Variants in SPATA13 observed in about 807,000 individuals in gnomAD.
SPATA13 encodes the protein spermatogenesis associated 13.
SPATA13 carries 50 observed loss-of-function variants against 104.0 expected under a neutral mutation model. The observed-to-expected ratio is 0.48, with a 90% confidence interval of 0.38 to 0.61. The LOEUF is 0.61. Among genes scored for constraint, SPATA13 ranks in the 20% least tolerant of loss-of-function variants. The pLI is 0.00. For missense variants in SPATA13, 1,524 were observed against 1,690.6 expected (o/e 0.90, Z 1.73); for synonymous variants, 606 against 667.5 (o/e 0.91, Z 1.42).
chr13:24,029,180 C>G (rs1877364376), intron 3 of SPATA13, among the ~76,000 whole-genome samples: 1 of 152,198 alleles, frequency 6.6e-6, no homozygotes, highest in African/African-American at 2.4e-5. Flanking sequence ...CACCTAGCCT[C>G]CCAAGTAGCT....
chr13:24,149,736 TTGTACAAAGGCCC>T (rs1425485794), intron 3 of SPATA13, among the ~76,000 whole-genome samples: 1 of 151,996 alleles, frequency 6.6e-6, no homozygotes, highest in Non-Finnish European at 1.5e-5. Context: ...GGAGAGCGGC[TTGTACAAAGGCCC>T]TGCGGGGCGG....
intron 1 of SPATA13, among the ~76,000 whole-genome samples, chr13:24,189,870 T>TG (rs1869476519): frequency 5.4e-5 from 2 of 37,050 alleles, no homozygotes; most frequent in African/African-American, 1.4e-4. Context: ...TCATATATAA[T>TG]ATAATTATAT....
chr13:24,014,505 T>C (rs1566072643), intron 2 of SPATA13, among the ~76,000 whole-genome samples: 2 of 152,228 alleles, frequency 1.3e-5, no homozygotes, highest in East Asian at 3.8e-4. Context: ...TTATATGTAC[T>C]GTATACTGTA....
At chr13:23,980,110 AGTT>A (rs1367507370) in intron 1 of SPATA13, among the ~76,000 whole-genome samples, 1 of 152,084 alleles carries the variant, frequency 6.6e-6, no homozygotes, top group African/African-American at 2.4e-5. Context: ...AGGTTAGAGA[AGTT>A]GTCATGGCCG....
Position 24,154,910 on chromosome 13 carries a change from T to G in SPATA13, c.-111-67909T>G, listed in dbSNP as rs376385928. Among the ~76,000 whole-genome samples the G allele has an allele frequency of 2.0e-5, 3 of 152,282 alleles. No homozygotes were observed. The East Asian group carries it at 5.8e-4, about 29-fold the overall frequency. ...TTTGCTCTTGTTGCCCAGGCTGGAG[T>G]GCAATAGCATGATCTTGGCTCAGTG... On this transcript the variant is annotated intron_variant, in intron 3 of 14. Transcript: ENST00000424834.
At chr13:23,992,547 A>T (rs1875463308) in intron 2 of SPATA13, among the ~76,000 whole-genome samples, 1 of 152,114 alleles carries the variant, frequency 6.6e-6, no homozygotes, top group South Asian at 2.1e-4. Flanking sequence ...TTGATGTGTG[A>T]TTTCCAGGAC....
intron 1 of SPATA13, among the ~76,000 whole-genome samples, chr13:23,980,648 A>G (rs1265918915): frequency 6.6e-6 from 1 of 152,194 alleles, no homozygotes. Context: ...GTTGGAGGGC[A>G]GTGGCGGATC....
At chr13:24,195,872 G>T (rs1354204422) in intron 1 of SPATA13, among the ~76,000 whole-genome samples, 5 of 152,170 alleles carry the variant, frequency 3.3e-5, no homozygotes, top group Non-Finnish European at 7.4e-5. Flanking sequence ...GATTTAATTA[G>T]CTCAAGTGAT....
intron 3 of SPATA13, among the ~76,000 whole-genome samples, chr13:24,035,440 A>G (rs981188188): frequency 2.0e-5 from 3 of 152,216 alleles, no homozygotes; most frequent in Middle Eastern, 3.2e-3. Flanking sequence ...GGTGTGAACC[A>G]CTGTGCCTGG....
chr13:24,116,544 A>G (rs901414059), intron 3 of SPATA13, among the ~76,000 whole-genome samples: 5 of 152,034 alleles, frequency 3.3e-5, no homozygotes, highest in African/African-American at 1.2e-4. Context: ...CTTGATCTTC[A>G]TTATCTCAGG....
In SPATA13 at chr13:24,088,647, A is replaced by T. The variant is rs924690725; in HGVS notation, c.-112+70946A>T. Among the ~76,000 whole-genome samples, 4 of 152,238 alleles carry T rather than the reference A, an allele frequency of 2.6e-5. No individual in the cohort carries two copies. The highest frequency in any genetic ancestry group is 9.6e-5 in the African/African-American group (4 of 41,452). On this transcript the variant is annotated intron_variant, in intron 3 of 14. Transcript: ENST00000424834. The surrounding 1 kb of genome is among the most constrained non-coding windows in gnomAD (Gnocchi z 4.3). ...CTCTTTCCCAAAATGGAATAAAAAA[A>T]TCAAAGCTCAGAATCACTGCCTTCC...
At chr13:24,189,967 AAT>A (rs1261964049) in intron 1 of SPATA13, among the ~76,000 whole-genome samples, 8 of 93,558 alleles carry the variant, frequency 8.6e-5, no homozygotes, top group South Asian at 3.5e-4. Context: ...ATAATTATAA[AAT>A]ATATATTATA....
At chr13:24,246,840 T>C (rs1176449509) in intron 2 of SPATA13, among the ~76,000 whole-genome samples, 1 of 151,798 alleles carries the variant, frequency 6.6e-6, no homozygotes, top group Non-Finnish European at 1.5e-5. Flanking sequence ...TCCAGCCTGG[T>C]GACAGAGTAC....
In SPATA13 at chr13:24,303,478, A is replaced by C. The variant is rs1237460003; in HGVS notation, c.*705A>C. On this transcript the variant is annotated 3_prime_UTR_variant, in exon 13 of 13. Coordinates refer to ENST00000382108, the MANE Select transcript of SPATA13 (RefSeq NM_001166271.3). ...GCAACTTACGCATCCTCAAGAATCC[A>C]CTGCTTTTCAGGCAAGGAGGGAGAA... 6.3e-6 allele frequency: 1 copy of C among 158,988 alleles called. No individual in the cohort carries two copies. The highest frequency in any genetic ancestry group is 2.4e-5 in the African/African-American group (1 of 41,514). 9.8% of individuals were successfully genotyped at this position (158,988 alleles called of 1,614,324 possible). A position where few individuals can be genotyped will look rare whatever the true frequency, so the allele number is the denominator to read the frequency against.
intron 2 of SPATA13, among the ~76,000 whole-genome samples, chr13:24,232,791 TGCCTGCCTC>T: frequency 6.6e-6 from 1 of 152,198 alleles, no homozygotes; most frequent in Non-Finnish European, 1.5e-5. Context: ...TCAAGTGGTC[TGCCTGCCTC>T]GGCCTCCCGG....
At chr13:24,073,496 G>A (rs1879233263) in intron 3 of SPATA13, among the ~76,000 whole-genome samples, 1 of 152,246 alleles carries the variant, frequency 6.6e-6, no homozygotes, top group South Asian at 2.1e-4. Context: ...GACAGTGGCA[G>A]CTGAGGCATG....
chr13:23,983,054 G>A (rs1001180379), intron 1 of SPATA13, among the ~76,000 whole-genome samples: 2 of 152,230 alleles, frequency 1.3e-5, no homozygotes, highest in African/African-American at 4.8e-5. Context: ...TGAGAAGGAA[G>A]AGTCAAGTGA....
chr13:24,241,783 A>T (rs1326091052), intron 2 of SPATA13, among the ~76,000 whole-genome samples: 1 of 152,218 alleles, frequency 6.6e-6, no homozygotes, highest in Non-Finnish European at 1.5e-5. Flanking sequence ...CAGGCATGGC[A>T]GCTCACTCCT....
chr13:24,201,130 C>T (rs1870377717), intron 1 of SPATA13, among the ~76,000 whole-genome samples: 1 of 151,094 alleles, frequency 6.6e-6, no homozygotes, highest in African/African-American at 2.4e-5. Context: ...TATTTGTTCC[C>T]TTGCCTTAGT....
Sources: allele counts gnomAD v4.1 joint callset (sites outside exome capture counted in the v4.1 genomes callset), GRCh38; gene constraint gnomAD v4.1.1; non-coding constraint Gnocchi (gnomAD v3.1); transcripts MANE v1.5; gene names NCBI Gene and HGNC (gene_info 2026-07-23, HGNC 2026-07-21).